Variants in MUSK observed in about 807,000 individuals in gnomAD.
MUSK encodes muscle associated receptor tyrosine kinase.
Under a neutral mutation model 88.7 loss-of-function variants are expected in MUSK, and 55 were observed. The observed-to-expected ratio is 0.62, with a 90% CI of 0.50 to 0.78. MUSK has a LOEUF of 0.78. Among genes scored for constraint, MUSK ranks in the 30% least tolerant of loss-of-function variants. The pLI, the probability that MUSK is intolerant of heterozygous loss-of-function variation, is 0.00. For synonymous variants in MUSK, 387 were observed against 391.9 expected (o/e 0.99, Z 0.15); for missense variants, 1,015 against 1,074.3 (o/e 0.94, Z 0.77).
At chr9:110,669,324 G>A (rs1316333406) in intron 1 of MUSK, among the ~76,000 whole-genome samples, 1 of 152,172 alleles carries the variant, frequency 6.6e-6, no homozygotes, top group Admixed American at 6.6e-5. Context: ...AGTGGATGAT[G>A]ACAACCTTTT....
intron 11 of MUSK, among the ~76,000 whole-genome samples, chr9:110,783,619 T>C (rs2077801990): frequency 6.6e-6 from 1 of 152,038 alleles, no homozygotes; most frequent in Admixed American, 6.5e-5. Context: ...TGAATATTTA[T>C]AAAACCAACT....
At chr9:110,691,112 A>G (rs10759460) in intron 3 of MUSK, among the ~76,000 whole-genome samples, 105,538 of 151,570 alleles carry the variant, frequency 0.7, 38,094 homozygotes, top group African/African-American at 0.86. Flanking sequence ...TAATCTGCCC[A>G]CTTTGGCCTC....
At chr9:110,781,089 C>T (rs923851666) in intron 11 of MUSK, among the ~76,000 whole-genome samples, 1 of 152,072 alleles carries the variant, frequency 6.6e-6, no homozygotes, top group African/African-American at 2.4e-5. Flanking sequence ...ATAGATACTC[C>T]CCAACTCCAA....
At chr9:110,718,824 C>T (rs1188126495) in intron 5 of MUSK, among the ~76,000 whole-genome samples, 3 of 152,020 alleles carry the variant, frequency 2.0e-5, no homozygotes, top group Non-Finnish European at 4.4e-5. Context: ...ATCTTGAGAG[C>T]TGTGAGGCAA....
chr9:110,747,930 T>C (rs1010145841), intron 7 of MUSK, 130 bp downstream of exon 7: 1 of 1,257,964 alleles, frequency 7.9e-7, no homozygotes. Context: ...GGCTATTTCC[T>C]CCCCCATGGG....
intron 5 of MUSK, among the ~76,000 whole-genome samples, chr9:110,714,407 C>T (rs1334345278): frequency 6.6e-6 from 1 of 152,148 alleles, no homozygotes. Context: ...ATCATTGAGG[C>T]AGGCAGCCCT....
chr9:110,689,694 TATATATAAATATATAAC>T (rs2076271076), intron 3 of MUSK, among the ~76,000 whole-genome samples: 1 of 45,616 alleles, frequency 2.2e-5, no homozygotes, highest in Non-Finnish European at 3.5e-5. Context: ...TATATATAGT[TATATATAAATATATAAC>T]TATATATGTT....
intron 5 of MUSK, among the ~76,000 whole-genome samples, chr9:110,712,348 A>G (rs533518990): frequency 6.6e-6 from 1 of 152,212 alleles, no homozygotes; most frequent in South Asian, 2.1e-4. Context: ...CAAACCATCC[A>G]GAGGTTTTCT....
At chr9:110,676,072 A>G (rs1370686047) in intron 1 of MUSK, among the ~76,000 whole-genome samples, 1 of 152,104 alleles carries the variant, frequency 6.6e-6, no homozygotes, top group Non-Finnish European at 1.5e-5. Flanking sequence ...TTTATGAATT[A>G]TAAGTTTGCC....
rs117834907 is a variant in MUSK at position 110,695,632 on chromosome 9, A to G, written c.486+102A>G. Reference sequence around the variant, plus strand: ...CACTTACAAACTTCTAGTATAAAGTAGTTTCCATGTACATTTTAACCAAAT... The same window carrying G: ...CACTTACAAACTTCTAGTATAAAGTGGTTTCCATGTACATTTTAACCAAAT... On this transcript the variant is annotated intron_variant, in intron 4 of 14. Coordinates refer to ENST00000374448, the MANE Select transcript of MUSK (RefSeq NM_005592.4). 11,476 of 938,034 alleles carry G rather than the reference A, an allele frequency of 0.012. 91 individuals carry two copies. The highest frequency in any genetic ancestry group is 0.015 in the Non-Finnish European group (9,688 of 640,814). 58.1% of individuals were successfully genotyped at this position (938,034 alleles called of 1,614,324 possible).
At chr9:110,720,708 T>C (rs768323605) in intron 5 of MUSK, among the ~76,000 whole-genome samples, 17 of 152,020 alleles carry the variant, frequency 1.1e-4, no homozygotes, top group Non-Finnish European at 1.9e-4. Context: ...TTCCACAAGA[T>C]AGACAAAGAG....
chr9:110,747,951 A>G (rs1043007320), intron 7 of MUSK, 151 bp downstream of exon 7: 3 of 1,073,792 alleles, frequency 2.8e-6, no homozygotes, highest in Non-Finnish European at 4.2e-6. Context: ...GATACTCCGG[A>G]GGTGACCTAG....
At chr9:110,722,616 C>T (rs36103699) in intron 5 of MUSK, among the ~76,000 whole-genome samples, 1 of 151,640 alleles carries the variant, frequency 6.6e-6, no homozygotes, top group Non-Finnish European at 1.5e-5. Context: ...AACAGACAAC[C>T]CCCAGAGTGG....
intron 9 of MUSK, 93 bp downstream of exon 9, chr9:110,768,176 A>T: frequency 7.8e-7 from 1 of 1,281,322 alleles, no homozygotes; most frequent in Middle Eastern, 2.3e-4. Context: ...ATGCAACAGT[A>T]AAAGGAAAAG....
chr9:110,722,421 C>T (rs10759462), intron 5 of MUSK, among the ~76,000 whole-genome samples: 134,226 of 151,936 alleles, frequency 0.88, 59,655 homozygotes, highest in African/African-American at 0.94. Context: ...TCTCAGCTGC[C>T]CTGGAGGCTG....
Position 110,697,379 on chromosome 9 carries a change from C to CA in MUSK, c.545dup (p.Glu183GlyfsTer27). On this transcript the variant is annotated frameshift_variant, in exon 5 of 15. Coordinates refer to ENST00000374448, the MANE Select transcript of MUSK (RefSeq NM_005592.4). LOFTEE classifies it high-confidence loss of function. ...TGGGAGCTTGAGGATTCATAACGTACAAAAGGAAGATGCAGGACAGTATCG... is the reference window on the plus strand; with the variant it reads ...TGGGAGCTTGAGGATTCATAACGTACAAAAAGGAAGATGCAGGACAGTATCG... The CA allele has an allele frequency of 1.2e-5, 20 of 1,612,966 alleles. No homozygotes were observed. The highest frequency in any genetic ancestry group is 1.7e-5 in the Non-Finnish European group (20 of 1,179,338).
chr9:110,684,600 C>T (rs910309857), intron 2 of MUSK, among the ~76,000 whole-genome samples: 1 of 151,884 alleles, frequency 6.6e-6, no homozygotes, highest in Non-Finnish European at 1.5e-5. Context: ...TTGATTCTTC[C>T]AATCCATTAA....
intron 2 of MUSK, 25 bp from the exon 3 acceptor site, chr9:110,687,092 T>A (rs752772407): frequency 1.2e-6 from 2 of 1,602,498 alleles, no homozygotes; most frequent in East Asian, 4.5e-5. Context: ...AGCACTAATC[T>A]GTCATTTTTT....
intron 5 of MUSK, among the ~76,000 whole-genome samples, chr9:110,723,261 A>ACACACACG (rs2076838962): frequency 1.3e-5 from 2 of 151,820 alleles, no homozygotes; most frequent in African/African-American, 2.4e-5. Context: ...ACACACACAC[A>ACACACACG]CATACATACC....
Sources: allele counts gnomAD v4.1 joint callset (sites outside exome capture counted in the v4.1 genomes callset), GRCh38; gene constraint gnomAD v4.1.1; transcripts MANE v1.5; gene names NCBI Gene and HGNC (gene_info 2026-07-23, HGNC 2026-07-21).